Variants in KALRN observed in about 807,000 individuals in gnomAD.
The protein encoded by KALRN is kalirin.
In KALRN, 70 loss-of-function variants were observed where a neutral mutation model predicts 353.7. The observed-to-expected ratio is 0.20, with a 90% CI of 0.16 to 0.24. The LOEUF (loss-of-function observed/expected upper bound fraction) is 0.24. Among genes scored for constraint, KALRN ranks in the 10% least tolerant of loss-of-function variants. The pLI is 1.00. For missense variants in KALRN, 2,791 were observed against 3,756.7 expected (o/e 0.74, Z 6.72); for synonymous variants, 1,391 against 1,434.8 (o/e 0.97, Z 0.69).
chr3:124,235,190 A>G (rs988348339), intron 3 of KALRN, among the ~76,000 whole-genome samples: 10 of 152,244 alleles, frequency 6.6e-5, no homozygotes, highest in Admixed American at 3.3e-4. Context: ...ACTCAGCTAC[A>G]GGAAACACTC....
At chr3:124,120,384 T>C (rs564906747) in intron 1 of KALRN, among the ~76,000 whole-genome samples, 22 of 152,158 alleles carry the variant, frequency 1.4e-4, no homozygotes, top group Non-Finnish European at 2.9e-4. Context: ...TCCCCACAGA[T>C]GAAATATGAC....
chr3:124,101,025 A>G (rs1003399185), intron 1 of KALRN, among the ~76,000 whole-genome samples: 2 of 152,284 alleles, frequency 1.3e-5, no homozygotes, highest in Non-Finnish European at 2.9e-5. Flanking sequence ...ACTACATGGG[A>G]ATAGTAAACA....
intron 12 of KALRN, among the ~76,000 whole-genome samples, chr3:124,398,216 ACAT>A (rs2090404412): frequency 6.6e-6 from 1 of 152,218 alleles, no homozygotes; most frequent in African/African-American, 2.4e-5. Flanking sequence ...GGCAACCATG[ACAT>A]CATCTGTTTT....
chr3:124,101,320 G>A (rs867581330), intron 1 of KALRN, among the ~76,000 whole-genome samples: 1 of 152,126 alleles, frequency 6.6e-6, no homozygotes, highest in Non-Finnish European at 1.5e-5. Flanking sequence ...TCCTTCCTTG[G>A]TTAGTATAAC....
At chr3:124,692,276 C>T (rs2061853803) in intron 51 of KALRN, among the ~76,000 whole-genome samples, 1 of 152,214 alleles carries the variant, frequency 6.6e-6, no homozygotes, top group South Asian at 2.1e-4. Flanking sequence ...TTGCAATGGC[C>T]AGAGTTGGGG....
At chr3:124,303,844 C>G (rs942454687) in intron 6 of KALRN, among the ~76,000 whole-genome samples, 24 of 152,012 alleles carry the variant, frequency 1.6e-4, no homozygotes, top group African/African-American at 5.8e-4. Flanking sequence ...GCAAATCAGA[C>G]CAGTTGCAGA....
intron 7 of KALRN, among the ~76,000 whole-genome samples, chr3:124,328,668 A>G (rs140034840): frequency 6.9e-4 from 105 of 152,350 alleles, no homozygotes; most frequent in African/African-American, 2.5e-3. Flanking sequence ...AATGAAGTCA[A>G]CCACAACAAT....
chr3:124,360,719 T>C (rs1265622836), intron 10 of KALRN, among the ~76,000 whole-genome samples: 1 of 152,242 alleles, frequency 6.6e-6, no homozygotes, highest in Non-Finnish European at 1.5e-5. Flanking sequence ...ACAAGTCAAC[T>C]TGCCCAGATT....
chr3:124,058,168 C>T (rs1052156538), intron 1 of KALRN, among the ~76,000 whole-genome samples: 1 of 152,120 alleles, frequency 6.6e-6, no homozygotes, highest in African/African-American at 2.4e-5. Context: ...GTTCCTCCCA[C>T]GACAGGTGGG....
Position 124,492,859 on chromosome 3 carries a change from C to A in KALRN, c.4809C>A (p.Ala1603=), listed in dbSNP as rs1381776584. The A allele has an allele frequency of 1.2e-6, 2 of 1,613,972 alleles. No homozygotes were observed. The highest frequency in any genetic ancestry group is 2.7e-5 in the African/African-American group (2 of 74,922). Residue 1603 remains alanine, a synonymous_variant, in exon 32 of 60, where the codon GCC becomes GCA. Coordinates refer to ENST00000682506, the MANE Select transcript of KALRN (RefSeq NM_001388419.1). The part of the protein sequence containing the change: ...KEPLQLPKTP[A]KQRNNSKRDG... ...CACTTCAGCTCCCCAAAACACCAGC[C>A]AAACAGAGGAACAATAGTAAGAGGT... is the stretch of plus-strand genomic sequence containing the variant.
chr3:124,565,892 G>A (rs1480382589), intron 34 of KALRN, among the ~76,000 whole-genome samples: 1 of 152,168 alleles, frequency 6.6e-6, no homozygotes, highest in East Asian at 1.9e-4. Context: ...GGGTTGTCTC[G>A]ACTATAGGAC....
At chr3:124,706,719 G>A (rs2062634669) in intron 57 of KALRN, among the ~76,000 whole-genome samples, 1 of 151,880 alleles carries the variant, frequency 6.6e-6, no homozygotes, top group Admixed American at 6.6e-5. Flanking sequence ...ACAGGTGCCT[G>A]CCACCATGCC....
In KALRN at chr3:124,112,194, T is replaced by C. The variant is rs557429779; in HGVS notation, c.73+78381T>C. ...GGTGCACACCTGTAGTCCCAGCTAC[T>C]TGAGAGGCTGAGGTATGAGAATCGC... is the stretch of plus-strand genomic sequence containing the variant. On this transcript the variant is annotated intron_variant, in intron 1 of 59. Coordinates refer to ENST00000682506, the MANE Select transcript of KALRN (RefSeq NM_001388419.1). 2.0e-5 allele frequency among the ~76,000 whole-genome samples: 3 copies of C among 151,816 alleles called. No homozygotes were observed. In the South Asian group the frequency reaches 6.3e-4, roughly 32 times the overall value.
chr3:124,215,090 C>T (rs1444225137), intron 1 of KALRN, among the ~76,000 whole-genome samples: 1 of 152,158 alleles, frequency 6.6e-6, no homozygotes, highest in Non-Finnish European at 1.5e-5. Context: ...ACAAGGCCTG[C>T]CAACTGCTGG....
chr3:124,704,076 T>C (rs1460148378), intron 57 of KALRN, among the ~76,000 whole-genome samples: 2 of 152,228 alleles, frequency 1.3e-5, no homozygotes, highest in African/African-American at 2.4e-5. Context: ...AATTCTGGGC[T>C]ACCCAACTCC....
At chr3:124,165,483 G>C (rs564032980) in intron 1 of KALRN, among the ~76,000 whole-genome samples, 1 of 152,280 alleles carries the variant, frequency 6.6e-6, no homozygotes, top group Admixed American at 6.5e-5. Context: ...TGGTTCCCAT[G>C]CATGGCTTGT....
intron 1 of KALRN, among the ~76,000 whole-genome samples, chr3:124,179,309 A>T (rs2084226113): frequency 6.6e-6 from 1 of 152,158 alleles, no homozygotes; most frequent in Non-Finnish European, 1.5e-5. Flanking sequence ...TTAACAAATA[A>T]ATACACAAAC....
chr3:124,665,527 C>T (rs1206440693), intron 45 of KALRN, among the ~76,000 whole-genome samples: 1 of 152,058 alleles, frequency 6.6e-6, no homozygotes, highest in Non-Finnish European at 1.5e-5. Flanking sequence ...TGCAGTGGTG[C>T]AGTTTTGGCT....
intron 1 of KALRN, among the ~76,000 whole-genome samples, chr3:124,061,655 G>C (rs1240060554): frequency 6.6e-6 from 1 of 152,132 alleles, no homozygotes; most frequent in East Asian, 1.9e-4. Context: ...AGAACAGTAT[G>C]TGGCTACATC....
Sources: gnomAD v4.1 joint callset for allele counts (sites outside exome capture counted in the v4.1 genomes callset) on GRCh38, gnomAD v4.1.1 for gene constraint, MANE v1.5 for transcripts, NCBI Gene and HGNC (gene_info 2026-07-23, HGNC 2026-07-21) for gene names.